The following NRXN3 variants were observed in gnomAD, a reference collection of about 807,000 sequenced individuals.
The protein encoded by NRXN3 is neurexin 3, also known as neurexin III.
Under a neutral mutation model 137.6 loss-of-function variants are expected in NRXN3, and 32 were observed. The observed-to-expected ratio is 0.23, with a 90% CI of 0.18 to 0.31. NRXN3 has a LOEUF of 0.31. NRXN3 is among the 10% of genes least tolerant of loss of function. NRXN3 has a pLI of 1.00. For missense variants in NRXN3, 1,574 were observed against 2,062.5 expected (o/e 0.76, Z 4.59); for synonymous variants, 798 against 784.5 (o/e 1.02, Z -0.29).
At chr14:78,668,815 A>G (rs1317871558) in intron 6 of NRXN3, among the ~76,000 whole-genome samples, 1 of 152,226 alleles carries the variant, frequency 6.6e-6, no homozygotes, top group Non-Finnish European at 1.5e-5. Flanking sequence ...TTTATTTAGA[A>G]GAGCAGGAAG....
rs542483494 is a variant in NRXN3 at position 78,266,212 on chromosome 14, T to C, written c.710-12433T>C. On this transcript the variant is annotated intron_variant, in intron 2 of 20. Transcript: ENST00000335750. ...AAATAGTGATTAATAATAATTCTAA[T>C]TATAATTCACAAACATATTATTAAT... is the stretch of plus-strand genomic sequence containing the variant. Among the ~76,000 whole-genome samples, 3 of 152,324 alleles carry C rather than the reference T, an allele frequency of 2.0e-5. No individual in the cohort carries two copies. The East Asian group carries it at 5.8e-4, about 29-fold the overall frequency.
intron 15 of NRXN3, among the ~76,000 whole-genome samples, chr14:79,424,370 T>A (rs2095625104): frequency 6.6e-6 from 1 of 152,170 alleles, no homozygotes; most frequent in Non-Finnish European, 1.5e-5. Context: ...TTACAGTAAT[T>A]GGTTTTAAGG....
chr14:78,650,082 TTTTTCTTTTC>T lies in NRXN3; in HGVS notation c.1060-1068_1060-1059del, dbSNP rs919472734. Among the ~76,000 whole-genome samples the T allele has an allele frequency of 5.3e-5, 8 of 152,278 alleles. No individual in the cohort carries two copies. The South Asian group carries it at 6.2e-4, about 12-fold the overall frequency. On this transcript the variant is annotated intron_variant, in intron 5 of 20. Transcript: ENST00000335750. ...ATATATTTGGGGGTTGGGTTTGGAC[TTTTTCTTTTC>T]TTTTCTTTTCTTTTATTTAGTAAGG...
chr14:78,218,893 C>G (rs1461037994), intron 1 of NRXN3, among the ~76,000 whole-genome samples: 1 of 152,166 alleles, frequency 6.6e-6, no homozygotes, highest in Non-Finnish European at 1.5e-5. Flanking sequence ...TCTCACAGTT[C>G]TAGAGGTTGA....
At chr14:79,197,744 G>A (rs533076731) in intron 15 of NRXN3, among the ~76,000 whole-genome samples, 1 of 152,040 alleles carries the variant, frequency 6.6e-6, no homozygotes, top group East Asian at 1.9e-4. Context: ...GGAAGGTTGG[G>A]GTGGCAAACA....
intron 6 of NRXN3, among the ~76,000 whole-genome samples, chr14:78,702,412 T>C (rs2098292489): frequency 6.7e-6 from 1 of 150,298 alleles, no homozygotes. Context: ...ACAATTGGCT[T>C]AGAAGTTATC....
intron 15 of NRXN3, among the ~76,000 whole-genome samples, chr14:79,260,447 G>A (rs2077423513): frequency 6.6e-6 from 1 of 152,150 alleles, no homozygotes; most frequent in South Asian, 2.1e-4. Context: ...GGCTAAACCA[G>A]AAAACAGAGA....
intron 16 of NRXN3, among the ~76,000 whole-genome samples, chr14:79,470,056 G>A (rs953246232): frequency 2.6e-5 from 4 of 152,104 alleles, no homozygotes; most frequent in Admixed American, 1.3e-4. Flanking sequence ...TTTGTTGAAT[G>A]GTTTGTTTTC....
At chr14:79,525,737 T>C (rs2097112539) in intron 16 of NRXN3, among the ~76,000 whole-genome samples, 1 of 152,244 alleles carries the variant, frequency 6.6e-6, no homozygotes, top group African/African-American at 2.4e-5. Context: ...TAAGTTTTAT[T>C]GCCTTAAATC....
chr14:79,282,373 C>T (rs2153446254), intron 15 of NRXN3, among the ~76,000 whole-genome samples: 1 of 152,234 alleles, frequency 6.6e-6, no homozygotes, highest in East Asian at 1.9e-4. Context: ...TTATGCATTA[C>T]AGGTTATGGG....
intron 20 of NRXN3, among the ~76,000 whole-genome samples, chr14:79,825,350 C>A (rs1372956390): frequency 6.6e-6 from 1 of 151,842 alleles, no homozygotes; most frequent in Non-Finnish European, 1.5e-5. Context: ...ATGCTGACTT[C>A]TTCCTCTACT....
intron 9 of NRXN3, among the ~76,000 whole-genome samples, chr14:78,804,233 T>C (rs2887876): frequency 0.96 from 145,788 of 152,212 alleles, 70,116 homozygotes; most frequent in East Asian, 1. Flanking sequence ...AAAATGTTGA[T>C]GGTGGGGTTG....
At chr14:79,694,627 T>TG (rs1828770983) in intron 18 of NRXN3, among the ~76,000 whole-genome samples, 1 of 151,948 alleles carries the variant, frequency 6.6e-6, no homozygotes, top group African/African-American at 2.4e-5. Context: ...GGCATTGATT[T>TG]GGGGAAATCT....
chr14:79,795,406 A>C (rs1388178767), intron 19 of NRXN3, among the ~76,000 whole-genome samples: 1 of 152,140 alleles, frequency 6.6e-6, no homozygotes, highest in Non-Finnish European at 1.5e-5. Flanking sequence ...ATAGAGCTTT[A>C]TGGGAACCCA....
intron 3 of NRXN3, among the ~76,000 whole-genome samples, chr14:78,282,829 C>T (rs1046937861): frequency 6.6e-6 from 1 of 152,248 alleles, no homozygotes; most frequent in Non-Finnish European, 1.5e-5. Context: ...AGCTTGGAGA[C>T]AGCTCTAGTC....
chr14:78,958,361 C>CT (rs371764049), intron 11 of NRXN3, among the ~76,000 whole-genome samples: 9,372 of 142,138 alleles, frequency 0.066, 414 homozygotes, highest in South Asian at 0.12. Context: ...TTCTTTCTTT[C>CT]TTTTTTTTTT....
intron 19 of NRXN3, among the ~76,000 whole-genome samples, chr14:79,775,338 G>C (rs1484897265): frequency 1.3e-5 from 2 of 152,022 alleles, no homozygotes; most frequent in Non-Finnish European, 2.9e-5. Flanking sequence ...AGGTATCCTG[G>C]AAAACCTCCA....
In NRXN3 at chr14:78,696,307, T is replaced by C. The variant is rs148407874; in HGVS notation, c.1222-12910T>C. ...TAGCTGTGTGAGCTTAGGTAGATAA[T>C]AAAATCTCAGATTCCCAGTTTTCTC... On this transcript the variant is annotated intron_variant, in intron 6 of 20. Coordinates refer to ENST00000335750, the MANE Select transcript of NRXN3 (RefSeq NM_001330195.2). Among the ~76,000 whole-genome samples, 232 of 152,136 alleles carry C rather than the reference T, an allele frequency of 1.5e-3. 2 individuals carry two copies. Among genetic ancestry groups the C allele is most frequent in the African/African-American group, 5.4e-3 (226 of 41,510 alleles).
chr14:79,638,884 A>G (rs1281778222), intron 16 of NRXN3, among the ~76,000 whole-genome samples: 3 of 152,258 alleles, frequency 2.0e-5, no homozygotes, highest in African/African-American at 7.2e-5. Context: ...GTGAGCTGTC[A>G]GAATGATCTT....
Sources: gnomAD v4.1 joint callset for allele counts (sites outside exome capture counted in the v4.1 genomes callset) on GRCh38, gnomAD v4.1.1 for gene constraint, MANE v1.5 for transcripts, NCBI Gene and HGNC (gene_info 2026-07-23, HGNC 2026-07-21) for gene names.